RYR2: variants seen among roughly 807,000 people sequenced by gnomAD.
RYR2 encodes ryanodine receptor 2.
In RYR2, 227 loss-of-function variants were observed where a neutral mutation model predicts 601.1. The ratio of observed to expected loss-of-function variants is 0.38; its 90% CI spans 0.34 to 0.42. The LOEUF (loss-of-function observed/expected upper bound fraction) is 0.42. RYR2 is among the 10% of genes least tolerant of loss of function. The pLI is 1.00. For missense variants in RYR2, 4,646 were observed against 6,156.5 expected, an observed-to-expected ratio of 0.75 and a Z score of 8.21; for synonymous variants, 2,223 against 2,175.1, an observed-to-expected ratio of 1.02 and a Z score of -0.61.
intron 1 of RYR2, among the ~76,000 whole-genome samples, chr1:237,179,112 C>T (rs1035828573): frequency 1.3e-5 from 2 of 152,136 alleles, no homozygotes; most frequent in African/African-American, 4.8e-5. Context: ...AATCCTAGCT[C>T]TCTTCTTCTT....
chr1:237,056,509 G>A (rs958979313), intron 1 of RYR2, among the ~76,000 whole-genome samples: 6 of 145,392 alleles, frequency 4.1e-5, no homozygotes, highest in African/African-American at 1.5e-4. Flanking sequence ...CTGGAGCACT[G>A]CACCTGTGAG....
intron 1 of RYR2, among the ~76,000 whole-genome samples, chr1:237,248,198 G>A (rs1399031305): frequency 6.7e-6 from 1 of 149,052 alleles, no homozygotes; most frequent in African/African-American, 2.5e-5. Context: ...CTTAAACCAC[G>A]GAGGCAGAGG....
At chr1:237,350,172 C>T (rs777891267) in intron 3 of RYR2, among the ~76,000 whole-genome samples, 6 of 151,946 alleles carry the variant, frequency 3.9e-5, no homozygotes, top group Non-Finnish European at 7.4e-5. Flanking sequence ...ATGCTGCTCA[C>T]CAGAGATATA....
chr1:237,748,511 G>A (rs1692269898), intron 80 of RYR2, among the ~76,000 whole-genome samples: 1 of 152,150 alleles, frequency 6.6e-6, no homozygotes. Flanking sequence ...GGGTCTCCTT[G>A]GTGAGTGGTA....
intron 1 of RYR2, among the ~76,000 whole-genome samples, chr1:237,139,621 T>C (rs978481618): frequency 6.6e-6 from 1 of 152,216 alleles, no homozygotes; most frequent in South Asian, 2.1e-4. Context: ...GAAGATACCA[T>C]GACAATATCT....
At chr1:237,423,854 G>C (rs1403504643) in intron 12 of RYR2, among the ~76,000 whole-genome samples, 3 of 152,130 alleles carry the variant, frequency 2.0e-5, no homozygotes, top group Non-Finnish European at 4.4e-5. Context: ...AAATACCTGA[G>C]ACTGGGTGAT....
At chr1:237,653,907 G>C (rs1233536215) in intron 51 of RYR2, among the ~76,000 whole-genome samples, 1 of 152,192 alleles carries the variant, frequency 6.6e-6, no homozygotes, top group Non-Finnish European at 1.5e-5. Context: ...AGGCAAGTCA[G>C]GTTCTTCTGC....
In RYR2 at chr1:237,660,909, C is replaced by CGAGA; in HGVS notation, c.8398_8399insGAGA (p.Leu2800ArgfsTer29). The CGAGA allele has an allele frequency of 6.6e-7, 1 of 1,509,400 alleles. No individual in the cohort carries two copies. The highest frequency in any genetic ancestry group is 8.9e-7 in the Non-Finnish European group (1 of 1,125,326). 93.5% of individuals were successfully genotyped at this position (1,509,400 alleles called of 1,614,324 possible). A position where few individuals can be genotyped will look rare whatever the true frequency, so the allele number is the denominator to read the frequency against. ...AACTCGGGAGGGAGACAGCATGGCCCTTTACAACCGGACTCGTCGTATTTC... is the reference window on the plus strand; with the variant it reads ...AACTCGGGAGGGAGACAGCATGGCCCGAGATTTACAACCGGACTCGTCGTATTTC... On this transcript the variant is annotated frameshift_variant, in exon 56 of 105. Coordinates refer to ENST00000366574, the MANE Select transcript of RYR2 (RefSeq NM_001035.3). LOFTEE classifies it high-confidence loss of function.
chr1:237,286,895 TG>T (rs61637574), intron 2 of RYR2, among the ~76,000 whole-genome samples: 43,867 of 151,944 alleles, frequency 0.29, 7,584 homozygotes, highest in African/African-American at 0.49. Flanking sequence ...CTTTTTAACT[TG>T]TATTTTTGTT....
At chr1:237,463,780 G>A (rs1020999732) in intron 16 of RYR2, among the ~76,000 whole-genome samples, 5 of 152,104 alleles carry the variant, frequency 3.3e-5, no homozygotes, top group African/African-American at 1.2e-4. Context: ...GTACCTTGAC[G>A]CACCATACCA....
chr1:237,591,516 T>G (rs1675199861), intron 31 of RYR2, among the ~76,000 whole-genome samples: 1 of 152,106 alleles, frequency 6.6e-6, no homozygotes, highest in African/African-American at 2.4e-5. Flanking sequence ...CCTTGGACAT[T>G]GAAGGATGCT....
At chr1:237,117,421 A>G (rs1670194602) in intron 1 of RYR2, among the ~76,000 whole-genome samples, 1 of 152,096 alleles carries the variant, frequency 6.6e-6, no homozygotes, top group African/African-American at 2.4e-5. Context: ...TATGGTCGTA[A>G]TTTGGAGGAT....
intron 22 of RYR2, among the ~76,000 whole-genome samples, chr1:237,504,194 AC>A (rs1664968307): frequency 6.6e-6 from 1 of 152,264 alleles, no homozygotes; most frequent in African/African-American, 2.4e-5. Context: ...TGAAGAGACT[AC>A]TAAACAGGCT....
At chr1:237,790,257 T>C (rs1381805557) in intron 92 of RYR2, among the ~76,000 whole-genome samples, 1 of 152,168 alleles carries the variant, frequency 6.6e-6, no homozygotes, top group Non-Finnish European at 1.5e-5. Context: ...GAAGGTATCA[T>C]CTTTGAACCC....
rs186310134 is a variant in RYR2 at position 237,631,918 on chromosome 1, C to T, written c.6555+377C>T. Among the ~76,000 whole-genome samples, 927 of 151,942 alleles carry T rather than the reference C, an allele frequency of 6.1e-3. 4 individuals are homozygous for T. Among genetic ancestry groups the T allele is most frequent in the Non-Finnish European group, 9.4e-3 (640 of 67,978 alleles). ...GAAGTGCTGGGATTACAGGCGTGAG[C>T]CACCGCGCCCAGCCCAGATTGTAGA... On this transcript the variant is annotated intron_variant, in intron 42 of 104. Coordinates refer to ENST00000366574, the MANE Select transcript of RYR2 (RefSeq NM_001035.3).
chr1:237,707,675 T>C (rs1688494319), intron 68 of RYR2, among the ~76,000 whole-genome samples: 1 of 152,214 alleles, frequency 6.6e-6, no homozygotes, highest in African/African-American at 2.4e-5. Flanking sequence ...ATTATTTGTA[T>C]TGAAAAGTTA....
At chr1:237,270,315 A>T (rs1289932100) in intron 1 of RYR2, 182 bp from the exon 2 acceptor site, 8 of 885,578 alleles carry the variant, frequency 9.0e-6, no homozygotes, top group East Asian at 2.7e-5. Flanking sequence ...CTTTTTGCAA[A>T]TAAAAAGTAC....
intron 93 of RYR2, 150 bp downstream of exon 93, chr1:237,791,665 T>C: frequency 1.7e-6 from 1 of 601,362 alleles, no homozygotes; most frequent in Non-Finnish European, 2.9e-6. Flanking sequence ...ATCACTGTTA[T>C]CTAGGAAGGC....
intron 12 of RYR2, among the ~76,000 whole-genome samples, chr1:237,424,436 A>G (rs1169604560): frequency 3.3e-5 from 5 of 152,314 alleles, no homozygotes; most frequent in African/African-American, 1.2e-4. Flanking sequence ...AATTCTTAGT[A>G]TTCAATCGCC....
Sources: allele counts gnomAD v4.1 joint callset (sites outside exome capture counted in the v4.1 genomes callset), GRCh38; gene constraint gnomAD v4.1.1; transcripts MANE v1.5; gene names NCBI Gene and HGNC (gene_info 2026-07-23, HGNC 2026-07-21).